ZNF805: variants seen among roughly 807,000 people sequenced by gnomAD.
ZNF805 encodes CTC-444N24.8.
A neutral mutation model predicts 13.6 loss-of-function variants in ZNF805; 7 were observed. That is an observed-to-expected ratio of 0.51 (90% CI 0.29 to 0.97). The LOEUF is 0.97. Ranked by LOEUF, ZNF805 falls within the 50% of genes least tolerant of loss-of-function variation. The probability of loss-of-function intolerance (pLI) is 0.08; values close to 1 mark genes in which losing one functional copy is unlikely to be tolerated. For synonymous variants in ZNF805, 293 were observed against 279.8 expected (o/e 1.05, Z -0.47); for missense variants, 604 against 771.0 (o/e 0.78, Z 2.57).
At chr19:57,251,461 A>G (rs1055330026) in intron 3 of ZNF805, among the ~76,000 whole-genome samples, 2 of 152,042 alleles carry the variant, frequency 1.3e-5, no homozygotes, top group East Asian at 1.9e-4. Context: ...CTTTTTTTCA[A>G]TTAACTTCTT....
At chr19:57,244,463 G>A (rs547764702) in intron 2 of ZNF805, among the ~76,000 whole-genome samples, 185 of 151,684 alleles carry the variant, frequency 1.2e-3, no homozygotes, top group African/African-American at 4.1e-3. Context: ...CGCCCGCCTC[G>A]GTCTCCCAAA....
Position 57,240,731 on chromosome 19 carries a change from C to G in ZNF805, c.-161C>G. The G allele has an allele frequency of 1.6e-6, 1 of 625,716 alleles. No homozygotes were observed. Among genetic ancestry groups the G allele is most frequent in the East Asian group, 3.3e-5 (1 of 30,528 alleles). The allele number at this position is 625,716 out of a possible 1,614,324, so 38.8% of individuals were successfully genotyped here. ...CAGGTAGGAGGCCGACAGCGACCTC[C>G]GCGTCTCGGAGCGAACCGTGAGCCT... On this transcript the variant is annotated 5_prime_UTR_variant, in exon 1 of 4. Transcript: ENST00000414468.
intron 3 of ZNF805, 128 bp from the exon 4 acceptor site, chr19:57,252,945 C>G: frequency 1.2e-6 from 1 of 831,694 alleles, no homozygotes; most frequent in Non-Finnish European, 1.7e-6. Flanking sequence ...ATCTGGGGTT[C>G]AAGATGGCAA....
Position 57,254,513 on chromosome 19 carries a change from A to T in ZNF805, c.1694A>T (p.Asn565Ile), listed in dbSNP as rs371635333. 3 of 1,614,104 alleles carry T rather than the reference A, an allele frequency of 1.9e-6. No homozygotes were observed. The African/African-American group carries it at 4.0e-5, about 22-fold the overall frequency. The change falls in exon 4 of 4, where the codon AAT becomes ATT. Residue 565 changes from asparagine to isoleucine, a missense_variant. Transcript: ENST00000414468. Reference sequence around the variant, plus strand: ...CATCAAAGGATGCATACTGGGAGAAATCCTATCAGTGTAACAGATGTGGGA... The same window carrying T: ...CATCAAAGGATGCATACTGGGAGAATTCCTATCAGTGTAACAGATGTGGGA... ...TQHQRMHTGR[N>I]PISVTDVGRP...
chr19:57,250,367 G>A (rs977597275), intron 3 of ZNF805, among the ~76,000 whole-genome samples: 1 of 152,100 alleles, frequency 6.6e-6, no homozygotes, highest in African/African-American at 2.4e-5. Flanking sequence ...CGAATAGCTG[G>A]GATTATAGGC....
In ZNF805 at chr19:57,240,879, A is replaced by C. The variant is rs373813121; in HGVS notation, c.-13A>C. On this transcript the variant is annotated 5_prime_UTR_variant, in exon 1 of 4. Coordinates refer to ENST00000414468, the MANE Select transcript of ZNF805 (RefSeq NM_001023563.4). ...CCGCAGCCCCCGCCCCGCTAGGGCC[A>C]CAGGGTCCCGGTATGGCGATGGCTT... 1,003 of 1,552,108 alleles carry C rather than the reference A, an allele frequency of 6.5e-4. No individual in the cohort carries two copies. Among genetic ancestry groups the C allele is most frequent in the Middle Eastern group, 1.2e-3 (7 of 5,986 alleles).
rs869290620 is a variant in ZNF805, at chr19:57,257,698, C to CTTTTT, written c.*3016_*3020dup. On this transcript the variant is annotated 3_prime_UTR_variant, in exon 4 of 4. Coordinates refer to ENST00000414468, the MANE Select transcript of ZNF805 (RefSeq NM_001023563.4). Reference sequence around the variant, plus strand: ...GTGGTTTTATATCCAGTTTGCGTATCTTTTTTTTTTTTTTTTTTTTTTTTT... The same window carrying CTTTTT: ...GTGGTTTTATATCCAGTTTGCGTATCTTTTTTTTTTTTTTTTTTTTTTTTTTTTTT... 1.1e-3 allele frequency among the ~76,000 whole-genome samples: 40 copies of CTTTTT among 35,064 alleles called. No individual in the cohort carries two copies. Among genetic ancestry groups the CTTTTT allele is most frequent in the East Asian group, 2.7e-3 (4 of 1,486 alleles). The allele number at this position is 35,064 out of a possible 152,430, so 23.0% of individuals were successfully genotyped here. A position where few individuals can be genotyped will look rare whatever the true frequency, so the allele number is the denominator to read the frequency against.
intron 1 of ZNF805, among the ~76,000 whole-genome samples, chr19:57,241,612 T>TCCTTTCCTC (rs762235092): frequency 2.1e-5 from 3 of 143,954 alleles, no homozygotes; most frequent in Admixed American, 7.1e-5. Flanking sequence ...CTTGTTTCCT[T>TCCTTTCCTC]CCTTTCCTCC....
In ZNF805 at chr19:57,241,027, T is replaced by C. The variant is rs186465053; in HGVS notation, c.30+106T>C. The C allele has an allele frequency of 9.2e-3, 11,857 of 1,287,692 alleles. 79 individuals carry two copies. The highest frequency in any genetic ancestry group is 0.01 in the Non-Finnish European group (9,588 of 934,522). The allele number at this position is 1,287,692 out of a possible 1,614,324, so 79.8% of individuals were successfully genotyped here. A position where few individuals can be genotyped will look rare whatever the true frequency, so the allele number is the denominator to read the frequency against. ...CACAGGATTCCTCTTTGTAGTTTTG[T>C]TTGTTTACGAAACGTGGAGCAGGCT... On this transcript the variant is annotated intron_variant, in intron 1 of 3. Coordinates refer to ENST00000414468, the MANE Select transcript of ZNF805 (RefSeq NM_001023563.4).
rs567691690 is a variant in ZNF805 at position 57,260,545 on chromosome 19, T to G, written c.*5842T>G. On this transcript the variant is annotated 3_prime_UTR_variant, in exon 4 of 4. Coordinates refer to ENST00000414468, the MANE Select transcript of ZNF805 (RefSeq NM_001023563.4). ...TCTGACTTGAAGGTCCTTTCCTGGC[T>G]TCTGTGAATTCCTGGCTTTTTTCCT... 6.6e-6 allele frequency among the ~76,000 whole-genome samples: 1 copy of G among 152,330 alleles called. No homozygotes were observed. Among genetic ancestry groups the G allele is most frequent in the East Asian group, 1.9e-4 (1 of 5,176 alleles).
chr19:57,251,225 A>G (rs1433543768), intron 3 of ZNF805, among the ~76,000 whole-genome samples: 1 of 152,170 alleles, frequency 6.6e-6, no homozygotes, highest in Non-Finnish European at 1.5e-5. Flanking sequence ...AAGGGCCTAT[A>G]TCAAAAAATT....
intron 1 of ZNF805, among the ~76,000 whole-genome samples, chr19:57,241,310 A>G (rs1698820594): frequency 6.6e-6 from 1 of 152,006 alleles, no homozygotes; most frequent in Admixed American, 6.6e-5. Flanking sequence ...GTAGGCCCCA[A>G]ATAGGACTTG....
rs897309050 is a variant in ZNF805 at position 57,248,620 on chromosome 19, G to A, written c.173G>A (p.Arg58Lys). The A allele has an allele frequency of 3.8e-6, 6 of 1,594,896 alleles. No individual in the cohort carries two copies. In the African/African-American group the frequency reaches 4.0e-5, roughly 11 times the overall value. ...LLVSLGCPVPRPELIYHLEHG... is the reference protein window; with the variant it reads ...LLVSLGCPVPKPELIYHLEHG... Reference sequence around the variant, plus strand: ...CCATAAACAGGGTGTCCTGTTCCCAGACCTGAGCTGATCTACCACCTAGAG... The same window carrying A: ...CCATAAACAGGGTGTCCTGTTCCCAAACCTGAGCTGATCTACCACCTAGAG... Residue 58 changes from arginine (R) to lysine (K), a missense_variant, in exon 3 of 4, where the codon AGA becomes AAA. By Grantham distance (26) the Arg-to-Lys change is conservative. Coordinates refer to ENST00000414468, the MANE Select transcript of ZNF805 (RefSeq NM_001023563.4).
At position 57,258,384 on chromosome 19, in the gene ZNF805, A is replaced by G. The variant is rs867522467; in HGVS notation, c.*3681A>G. ...TAATTATGTTAGTGCTATGTCTGCTATTTTATGATTAGTTTTTTGTGTTTC... is the reference window on the plus strand; with the variant it reads ...TAATTATGTTAGTGCTATGTCTGCTGTTTTATGATTAGTTTTTTGTGTTTC... On this transcript the variant is annotated 3_prime_UTR_variant, in exon 4 of 4. Coordinates refer to ENST00000414468, the MANE Select transcript of ZNF805 (RefSeq NM_001023563.4). 7.3e-6 allele frequency among the ~76,000 whole-genome samples: 1 copy of G among 137,276 alleles called. No homozygotes were observed. The highest frequency in any genetic ancestry group is 2.7e-5 in the African/African-American group (1 of 37,222). The allele number at this position is 137,276 out of a possible 152,430, so 90.1% of individuals were successfully genotyped here.
At chr19:57,241,757 A>G (rs544731446) in intron 1 of ZNF805, among the ~76,000 whole-genome samples, 2 of 152,044 alleles carry the variant, frequency 1.3e-5, no homozygotes, top group East Asian at 3.9e-4. Context: ...CTCAGCCTTC[A>G]CCTTTACAGT....
Position 57,262,337 on chromosome 19 carries a change from C to T in ZNF805, c.*7634C>T, listed in dbSNP as rs979036367. Reference sequence around the variant, plus strand: ...AGATGAAGGCTTATATACGTGTAAACCATTGTAACCAAGAAAAAAAAAAAA... The same window carrying T: ...AGATGAAGGCTTATATACGTGTAAATCATTGTAACCAAGAAAAAAAAAAAA... On this transcript the variant is annotated 3_prime_UTR_variant, in exon 4 of 4. Coordinates refer to ENST00000414468, the MANE Select transcript of ZNF805 (RefSeq NM_001023563.4). The T allele has an allele frequency of 5.1e-5, 8 of 156,468 alleles. No individual in the cohort carries two copies. Among genetic ancestry groups the T allele is most frequent in the African/African-American group, 2.1e-4 (8 of 38,852 alleles). The allele number at this position is 156,468 out of a possible 1,614,324, so 9.7% of individuals were successfully genotyped here. A position where few individuals can be genotyped will look rare whatever the true frequency, so the allele number is the denominator to read the frequency against.
chr19:57,244,592 G>GA (rs67953128), intron 2 of ZNF805, among the ~76,000 whole-genome samples: 70,314 of 151,744 alleles, frequency 0.46, 17,020 homozygotes, highest in Non-Finnish European at 0.53. Context: ...AGCCAAAGGA[G>GA]AGAAGCTGGT....
Position 57,258,565 on chromosome 19 carries a change from A to G in ZNF805, c.*3862A>G, listed in dbSNP as rs1013961762. 6.6e-6 allele frequency among the ~76,000 whole-genome samples: 1 copy of G among 150,694 alleles called. No homozygotes were observed. The highest frequency in any genetic ancestry group is 2.4e-5 in the African/African-American group (1 of 40,880). ...TTGCTTTAAGTAGTATAATGTACAT[A>G]TGTAACATAATTACAGTTAATGGTA... On this transcript the variant is annotated 3_prime_UTR_variant, in exon 4 of 4. Transcript: ENST00000414468.
Position 57,254,824 on chromosome 19 carries a change from C to T in ZNF805, c.*121C>T. The T allele has an allele frequency of 9.6e-7, 1 of 1,045,654 alleles. No homozygotes were observed. Among genetic ancestry groups the T allele is most frequent in the Non-Finnish European group, 1.4e-6 (1 of 729,276 alleles). The allele number at this position is 1,045,654 out of a possible 1,614,324, so 64.8% of individuals were successfully genotyped here. ...GGAAAAACACCCAGTGGTTATTACGCACTTGGGAAAACCTTTAGCTCCATC... is the reference window on the plus strand; with the variant it reads ...GGAAAAACACCCAGTGGTTATTACGTACTTGGGAAAACCTTTAGCTCCATC... On this transcript the variant is annotated 3_prime_UTR_variant, in exon 4 of 4. Transcript: ENST00000414468.
Sources: gnomAD v4.1 joint callset for allele counts (sites outside exome capture counted in the v4.1 genomes callset) on GRCh38, gnomAD v4.1.1 for gene constraint, MANE v1.5 for transcripts, NCBI Gene and HGNC (gene_info 2026-07-23, HGNC 2026-07-21) for gene names.